Variants in FGF14 observed in about 807,000 individuals in gnomAD.
FGF14 encodes fibroblast growth factor 14.
Under a neutral mutation model 25.5 loss-of-function variants are expected in FGF14, and 5 were observed. That is an observed-to-expected ratio of 0.20 (90% confidence interval 0.10 to 0.41). The LOEUF is 0.41. FGF14 is among the 10% of genes least tolerant of loss of function. The pLI is 1.00. For synonymous variants in FGF14, 138 were observed against 118.3 expected (o/e 1.17, Z -1.08); for missense variants, 222 against 320.1 (o/e 0.69, Z 2.34).
At chr13:102,378,288 T>C (rs1009640772) in intron 1 of FGF14, among the ~76,000 whole-genome samples, 2 of 152,128 alleles carry the variant, frequency 1.3e-5, no homozygotes, top group Non-Finnish European at 2.9e-5. Context: ...AGGTGATGGA[T>C]CTGTGGGGGC....
At chr13:101,946,328 C>A (rs1202581917) in intron 1 of FGF14, among the ~76,000 whole-genome samples, 1 of 134,146 alleles carries the variant, frequency 7.5e-6, no homozygotes, top group African/African-American at 3.0e-5. Context: ...TATTGCCCTT[C>A]TGATTTCATT....
chr13:102,230,887 A>G (rs1315510490), intron 1 of FGF14, among the ~76,000 whole-genome samples: 1 of 152,254 alleles, frequency 6.6e-6, no homozygotes, highest in Non-Finnish European at 1.5e-5. Context: ...TATAGGTATC[A>G]TTAACATTCA....
chr13:101,998,024 T>G (rs763163306), intron 1 of FGF14, among the ~76,000 whole-genome samples: 1 of 152,134 alleles, frequency 6.6e-6, no homozygotes, highest in Non-Finnish European at 1.5e-5. Flanking sequence ...CAGCTACAAT[T>G]TACTCATTTA....
chr13:102,122,889 G>C (rs1479162905), intron 1 of FGF14, among the ~76,000 whole-genome samples: 1 of 152,174 alleles, frequency 6.6e-6, no homozygotes, highest in East Asian at 1.9e-4. Context: ...TGAAGAGAAA[G>C]TGTAAAAAAA....
chr13:102,341,952 C>T (rs985667591), intron 1 of FGF14, among the ~76,000 whole-genome samples: 4 of 152,126 alleles, frequency 2.6e-5, no homozygotes, highest in Admixed American at 6.6e-5. Flanking sequence ...ACTGAACCTA[C>T]TTGATATGGA....
At chr13:102,024,762 A>G (rs2040840354) in intron 1 of FGF14, among the ~76,000 whole-genome samples, 1 of 151,978 alleles carries the variant, frequency 6.6e-6, no homozygotes, top group Non-Finnish European at 1.5e-5. Flanking sequence ...CAATTTTTGT[A>G]TATGGTGTGA....
At chr13:102,364,292 C>T (rs1472543560) in intron 1 of FGF14, among the ~76,000 whole-genome samples, 1 of 152,172 alleles carries the variant, frequency 6.6e-6, no homozygotes, top group African/African-American at 2.4e-5. Context: ...TAAGAGCAAC[C>T]AGGATGCTTT....
chr13:102,033,879 G>A (rs907324165), intron 1 of FGF14, among the ~76,000 whole-genome samples: 13 of 152,206 alleles, frequency 8.5e-5, no homozygotes, highest in African/African-American at 2.9e-4. Context: ...GCATGGAGAC[G>A]TACAGTGTGG....
At chr13:101,860,155 A>G (rs2044338999) in intron 3 of FGF14, among the ~76,000 whole-genome samples, 1 of 152,066 alleles carries the variant, frequency 6.6e-6, no homozygotes, top group South Asian at 2.1e-4. Flanking sequence ...ATTGCAAACC[A>G]GCCATTATTG....
At chr13:102,339,504 C>A (rs1212906116) in intron 1 of FGF14, among the ~76,000 whole-genome samples, 1 of 152,090 alleles carries the variant, frequency 6.6e-6, no homozygotes, top group Admixed American at 6.5e-5. Flanking sequence ...CAGTAAAAAT[C>A]TACATCATAT....
In FGF14 at chr13:101,714,772, T is replaced by A. The variant is rs1178755256; in HGVS notation, c.*8059A>T. 2 of 533,956 alleles carry A rather than the reference T, an allele frequency of 3.7e-6. No individual in the cohort carries two copies. Among genetic ancestry groups the A allele is most frequent in the Non-Finnish European group, 6.7e-6 (2 of 300,306 alleles). The allele number at this position is 533,956 out of a possible 1,614,324, so 33.1% of individuals were successfully genotyped here. A position where few individuals can be genotyped will look rare whatever the true frequency, so the allele number is the denominator to read the frequency against. The stretch of plus-strand genomic sequence containing the variant: ...AAGAGAATGAAGCTAAATTTTGTGA[T>A]TATTTGGGATCCTTCCACAAAGTAA... On this transcript the variant is annotated 3_prime_UTR_variant, in exon 5 of 5. Coordinates refer to ENST00000376143, the MANE Select transcript of FGF14 (RefSeq NM_004115.4).
At chr13:101,804,224 T>G (rs1352248941) in intron 3 of FGF14, among the ~76,000 whole-genome samples, 1 of 152,158 alleles carries the variant, frequency 6.6e-6, no homozygotes. Flanking sequence ...AATACAGTTC[T>G]TTTAGTTTGG....
At chr13:102,004,127 T>C (rs2039655854) in intron 1 of FGF14, among the ~76,000 whole-genome samples, 1 of 151,730 alleles carries the variant, frequency 6.6e-6, no homozygotes. Context: ...TCAATCAAAA[T>C]AACACAAATA....
chr13:101,863,698 T>C (rs571636380), intron 3 of FGF14, among the ~76,000 whole-genome samples: 1 of 152,224 alleles, frequency 6.6e-6, no homozygotes, highest in African/African-American at 2.4e-5. Context: ...GGATGATAGG[T>C]ACCATACTGA....
chr13:102,135,134 C>T (rs1040206791), intron 1 of FGF14, among the ~76,000 whole-genome samples: 1 of 152,008 alleles, frequency 6.6e-6, no homozygotes, highest in Non-Finnish European at 1.5e-5. Flanking sequence ...CTTAAACCCA[C>T]GACTTCAAGG....
In FGF14 at chr13:101,823,227, T is replaced by A. The variant is rs150028962; in HGVS notation, c.408+45498A>T. 6.1e-3 allele frequency among the ~76,000 whole-genome samples: 934 copies of A among 152,082 alleles called. 5 individuals carry two copies. Among genetic ancestry groups the A allele is most frequent in the Middle Eastern group, 0.024 (7 of 292 alleles). ...ATTTCTTTGGGTAAAAGTCTAGGAG[T>A]TGAATTGCTGGGTCATATGGCAATT... On this transcript the variant is annotated intron_variant, in intron 3 of 4. Transcript: ENST00000376143.
intron 3 of FGF14, among the ~76,000 whole-genome samples, chr13:101,822,083 C>T (rs1031716681): frequency 4.6e-5 from 7 of 152,120 alleles, no homozygotes; most frequent in Non-Finnish European, 8.8e-5. Context: ...TGTCTACTCT[C>T]TGATCATTGA....
At chr13:101,963,927 A>G (rs772865715) in intron 1 of FGF14, among the ~76,000 whole-genome samples, 10 of 152,216 alleles carry the variant, frequency 6.6e-5, no homozygotes, top group Non-Finnish European at 1.5e-4. Context: ...CTCAGACAAG[A>G]GGAGTTGAAA....
intron 1 of FGF14, among the ~76,000 whole-genome samples, chr13:101,946,142 G>A (rs1265660025): frequency 2.6e-5 from 4 of 152,072 alleles, no homozygotes; most frequent in Non-Finnish European, 5.9e-5. Context: ...TCTCACTCGT[G>A]TTTAAGATCT....
Sources: allele counts gnomAD v4.1 joint callset (sites outside exome capture counted in the v4.1 genomes callset), GRCh38; gene constraint gnomAD v4.1.1; transcripts MANE v1.5; gene names NCBI Gene and HGNC (gene_info 2026-07-23, HGNC 2026-07-21).